Variants in EPHA8 observed in about 807,000 individuals in gnomAD.
EPHA8 encodes ephrin type-A receptor 8.
Under a neutral mutation model 103.6 loss-of-function variants are expected in EPHA8, and 58 were observed. That is an observed-to-expected ratio of 0.56 (90% confidence interval 0.45 to 0.70). The LOEUF (loss-of-function observed/expected upper bound fraction) is 0.70. Ranked by LOEUF, EPHA8 falls within the 30% of genes least tolerant of loss-of-function variation. EPHA8 has a pLI of 0.00. For missense variants in EPHA8, 1,304 were observed against 1,395.2 expected (o/e 0.93, Z 1.04); for synonymous variants, 559 against 572.5 (o/e 0.98, Z 0.34).
intron 3 of EPHA8, among the ~76,000 whole-genome samples, chr1:22,578,218 G>T (rs966694307): frequency 2.5e-5 from 3 of 119,996 alleles, no homozygotes; most frequent in Non-Finnish European, 5.6e-5. Flanking sequence ...GTGTGCGTGT[G>T]AGTGTGCATG....
At chr1:22,587,858 A>G (rs898440856) in intron 4 of EPHA8, among the ~76,000 whole-genome samples, 2 of 151,840 alleles carry the variant, frequency 1.3e-5, no homozygotes. Context: ...CCCTCCCTCC[A>G]CTGCCCTGCC....
chr1:22,593,659 G>T lies in EPHA8; in HGVS notation c.1576G>T (p.Ala526Ser). The T allele has an allele frequency of 6.2e-7, 1 of 1,603,226 alleles. No individual in the cohort carries two copies. Among genetic ancestry groups the T allele is most frequent in the East Asian group, 2.3e-5 (1 of 44,430 alleles). ...TSAGCGRFSQ[A>S]MEVETGKPRP... ...AGCAGGCTGTGGCCGCTTCAGCCAG[G>T]CCATGGAGGTGGAGACCGGGAAACC... The change falls in exon 7 of 17, where the codon GCC (alanine) becomes TCC (serine). Residue 526 changes from alanine to serine, a missense_variant. Coordinates refer to ENST00000166244, the MANE Select transcript of EPHA8 (RefSeq NM_020526.5).
chr1:22,578,498 A>G (rs1640871735), intron 3 of EPHA8, among the ~76,000 whole-genome samples: 1 of 115,774 alleles, frequency 8.6e-6, no homozygotes, highest in African/African-American at 3.2e-5. Context: ...GCATGTGTGC[A>G]TGAGTGCATT....
rs111448114 is a variant in EPHA8, at chr1:22,589,295, C to T, written c.1315+89C>T. The T allele has an allele frequency of 3.9e-3, 6,286 of 1,613,034 alleles. 223 individuals are homozygous for T. In the African/African-American group the frequency reaches 0.075, roughly 19 times the overall value. On this transcript the variant is annotated intron_variant, in intron 5 of 16. Coordinates refer to ENST00000166244, the MANE Select transcript of EPHA8 (RefSeq NM_020526.5). This position sits in a 1 kb window ranked among gnomAD's most constrained non-coding sequence, Gnocchi z 4.3. Reference sequence around the variant, plus strand: ...CCAGGGATCAGAGCTCTGCCGGGGACGTGCTGTGGGCCTTTAGGCAAGTGC... The same window carrying T: ...CCAGGGATCAGAGCTCTGCCGGGGATGTGCTGTGGGCCTTTAGGCAAGTGC...
rs558378088 is a variant in EPHA8 at position 22,576,114 on chromosome 1, G to C, written c.160-103G>C. 1.4e-6 allele frequency: 2 copies of C among 1,380,650 alleles called. No individual in the cohort carries two copies. Among genetic ancestry groups the C allele is most frequent in the Non-Finnish European group, 2.0e-6 (2 of 1,014,208 alleles). The allele number at this position is 1,380,650 out of a possible 1,614,324, so 85.5% of individuals were successfully genotyped here. A position where few individuals can be genotyped will look rare whatever the true frequency, so the allele number is the denominator to read the frequency against. ...TAGCCACCAGGAGGCCAGCTCCTTT[G>C]TCTTTTTTTTTGCCAGCGTCCCCAG... On this transcript the variant is annotated intron_variant, in intron 2 of 16. Coordinates refer to ENST00000166244, the MANE Select transcript of EPHA8 (RefSeq NM_020526.5). This position sits in a 1 kb window ranked among gnomAD's most constrained non-coding sequence, Gnocchi z 4.8.
chr1:22,576,991 A>G lies in EPHA8; in HGVS notation c.823+111A>G. ...GAGCCCACAGGCACCTGAGTGACCC[A>G]CACAGCCCCTGGGAAGATGGATAAA... On this transcript the variant is annotated intron_variant, in intron 3 of 16. Coordinates refer to ENST00000166244, the MANE Select transcript of EPHA8 (RefSeq NM_020526.5). The surrounding 1 kb of genome is among the most constrained non-coding windows in gnomAD (Gnocchi z 4.8). The G allele has an allele frequency of 8.0e-7, 1 of 1,254,476 alleles. No individual in the cohort carries two copies. Among genetic ancestry groups the G allele is most frequent in the Non-Finnish European group, 1.1e-6 (1 of 931,446 alleles). The allele number at this position is 1,254,476 out of a possible 1,614,324, so 77.7% of individuals were successfully genotyped here.
intron 2 of EPHA8, among the ~76,000 whole-genome samples, chr1:22,575,694 C>T (rs1435836679): frequency 6.6e-6 from 1 of 152,104 alleles, no homozygotes; most frequent in African/African-American, 2.4e-5. Flanking sequence ...GCAAGAAGAG[C>T]AGGGTGGAGG....
In EPHA8 at chr1:22,594,553, G is replaced by A. The variant is rs539072835; in HGVS notation, c.1604-677G>A. 1.2e-4 allele frequency among the ~76,000 whole-genome samples: 18 copies of A among 152,336 alleles called. 1 individual carries two copies. The South Asian group carries it at 3.3e-3, about 28-fold the overall frequency. The stretch of plus-strand genomic sequence containing the variant: ...GTCACATTTGGGACCCTCTGACTTC[G>A]AGGCTGTCCCTTTCACTCTCCTCCT... On this transcript the variant is annotated intron_variant, in intron 7 of 16. Transcript: ENST00000166244.
rs1641765978 is a variant in EPHA8, at chr1:22,602,418, C to T, written c.*677C>T. 1 of 153,328 alleles carries T rather than the reference C, an allele frequency of 6.5e-6. No homozygotes were observed. The highest frequency in any genetic ancestry group is 6.5e-5 in the Admixed American group (1 of 15,302). 9.5% of individuals were successfully genotyped at this position (153,328 alleles called of 1,614,324 possible). On this transcript the variant is annotated 3_prime_UTR_variant, in exon 17 of 17. Coordinates refer to ENST00000166244, the MANE Select transcript of EPHA8 (RefSeq NM_020526.5). Reference sequence around the variant, plus strand: ...AGCCCACCCCGGCTGTATCTCAGGTCTGGGTCCTCCCTCTAGCCGAGGAGG... The same window carrying T: ...AGCCCACCCCGGCTGTATCTCAGGTTTGGGTCCTCCCTCTAGCCGAGGAGG...
Position 22,597,300 on chromosome 1 carries a change from C to G in EPHA8, c.1766-12C>G. 6.4e-7 allele frequency: 1 copy of G among 1,569,056 alleles called. No homozygotes were observed. The highest frequency in any genetic ancestry group is 8.7e-7 in the Non-Finnish European group (1 of 1,143,978). ...CCTGGGCCCCACTGAAGGCCCTCCT[C>G]CCGCCCCTCAGCACCCCCACCTGTC... On this transcript the variant is annotated splice_polypyrimidine_tract_variant and intron_variant, in intron 9 of 16. Transcript: ENST00000166244. The surrounding 1 kb of genome is among the most constrained non-coding windows in gnomAD (Gnocchi z 4.6).
At chr1:22,590,695 T>C (rs1641348696) in intron 5 of EPHA8, among the ~76,000 whole-genome samples, 1 of 152,046 alleles carries the variant, frequency 6.6e-6, no homozygotes, top group South Asian at 2.1e-4. Flanking sequence ...CTCCTCTCTT[T>C]CCTGTGTGCC....
intron 2 of EPHA8, among the ~76,000 whole-genome samples, chr1:22,571,597 G>C (rs1640546160): frequency 6.6e-6 from 1 of 152,182 alleles, no homozygotes. Context: ...TCTTCAGGGG[G>C]CCTGGAGACT....
intron 13 of EPHA8, among the ~76,000 whole-genome samples, chr1:22,599,431 AG>A (rs1641615620): frequency 6.6e-6 from 1 of 152,202 alleles, no homozygotes; most frequent in African/African-American, 2.4e-5. Context: ...GAGGTGCCTT[AG>A]GGGCAGCCTT....
chr1:22,568,446 G>C (rs949712526), intron 1 of EPHA8, among the ~76,000 whole-genome samples: 2 of 152,216 alleles, frequency 1.3e-5, no homozygotes, highest in African/African-American at 2.4e-5. Flanking sequence ...ATGGCCTGCC[G>C]TTGCTACAGC....
intron 5 of EPHA8, among the ~76,000 whole-genome samples, chr1:22,591,110 C>T (rs1448267301): frequency 6.6e-6 from 1 of 152,082 alleles, no homozygotes; most frequent in Non-Finnish European, 1.5e-5. Flanking sequence ...GAAGTGAGGG[C>T]TGGGTGTGGT....
intron 13 of EPHA8, among the ~76,000 whole-genome samples, chr1:22,599,717 AG>A (rs1159527740): frequency 0.031 from 24 of 784 alleles, 1 homozygote; most frequent in Non-Finnish European, 0.046. Context: ...GAGGGAAGGA[AG>A]GGAGGGAGGG....
chr1:22,581,247 C>T (rs921070767), intron 3 of EPHA8, among the ~76,000 whole-genome samples: 3 of 152,206 alleles, frequency 2.0e-5, no homozygotes, highest in Non-Finnish European at 4.4e-5. Flanking sequence ...GCCCCACTTC[C>T]CTCCTCCCTG....
chr1:22,579,614 G>T (rs1569984261), intron 3 of EPHA8, among the ~76,000 whole-genome samples: 1 of 152,158 alleles, frequency 6.6e-6, no homozygotes, highest in Non-Finnish European at 1.5e-5. Context: ...CCTGGTCTTG[G>T]CCAGGCTTCT....
At chr1:22,595,979 A>C (rs1184203573) in intron 8 of EPHA8, 127 bp from the exon 9 acceptor site, 1 of 765,826 alleles carries the variant, frequency 1.3e-6, no homozygotes, top group African/African-American at 1.7e-5. Context: ...AGACTTTGTA[A>C]GGAGCAGGAG....
Sources: gnomAD v4.1 joint callset for allele counts (sites outside exome capture counted in the v4.1 genomes callset) on GRCh38, gnomAD v4.1.1 for gene constraint, Gnocchi (gnomAD v3.1) non-coding constraint, MANE v1.5 for transcripts, NCBI Gene and HGNC (gene_info 2026-07-23, HGNC 2026-07-21) for gene names.